The following TTLL5 variants were observed in gnomAD, a reference collection of about 807,000 sequenced individuals.
TTLL5 encodes tubulin polyglutamylase TTLL5.
A neutral mutation model predicts 168.4 loss-of-function variants in TTLL5; 132 were observed. That is an observed-to-expected ratio of 0.78 (90% CI 0.68 to 0.91). The LOEUF is 0.91. Ranked by LOEUF, TTLL5 falls within the 40% of genes least tolerant of loss-of-function variation. TTLL5 has a pLI of 0.00. For synonymous variants in TTLL5, 546 were observed against 558.6 expected, an observed-to-expected ratio of 0.98 and a Z score of 0.32; for missense variants, 1,545 against 1,581.5, an observed-to-expected ratio of 0.98 and a Z score of 0.39.
At chr14:75,681,944 T>A (rs577560140) in intron 4 of TTLL5, among the ~76,000 whole-genome samples, 2 of 152,088 alleles carry the variant, frequency 1.3e-5, no homozygotes, top group East Asian at 3.9e-4. Context: ...TGAACAGACT[T>A]TGCTTAACTT....
At chr14:75,873,285 A>T (rs11624407) in intron 29 of TTLL5, among the ~76,000 whole-genome samples, 1 of 152,100 alleles carries the variant, frequency 6.6e-6, no homozygotes, top group African/African-American at 2.4e-5. Context: ...CGTGTTAGCC[A>T]GGATGGTCTC....
In TTLL5 at chr14:75,839,492, A is replaced by G. The variant is rs1211999273; in HGVS notation, c.3326+19331A>G. 3.3e-5 allele frequency among the ~76,000 whole-genome samples: 5 copies of G among 152,332 alleles called. No homozygotes were observed. In the East Asian group the frequency reaches 9.7e-4, roughly 29 times the overall value. On this transcript the variant is annotated intron_variant, in intron 28 of 31. Transcript: ENST00000298832. ...AGGTTTCATTGACTCACAGTTTCAC[A>G]TGGCTGGGGAGGCTTCAGGAAACTT...
At chr14:75,928,410 G>A (rs2034158211) in intron 31 of TTLL5, among the ~76,000 whole-genome samples, 1 of 130,646 alleles carries the variant, frequency 7.7e-6, no homozygotes, top group Admixed American at 8.3e-5. Flanking sequence ...TGGGCAAAAT[G>A]TTATTTTATT....
chr14:75,896,911 G>A (rs1447374048), intron 30 of TTLL5, among the ~76,000 whole-genome samples: 3 of 152,140 alleles, frequency 2.0e-5, no homozygotes, highest in African/African-American at 7.2e-5. Flanking sequence ...TATATAGGCT[G>A]GCTATATGGT....
At chr14:75,826,602 G>C (rs1349178716) in intron 28 of TTLL5, among the ~76,000 whole-genome samples, 1 of 151,918 alleles carries the variant, frequency 6.6e-6, no homozygotes, top group East Asian at 1.9e-4. Context: ...GATTATTTTG[G>C]TTTTAAGAGG....
At chr14:75,727,210 C>A (rs977728895) in intron 12 of TTLL5, among the ~76,000 whole-genome samples, 2 of 152,118 alleles carry the variant, frequency 1.3e-5, no homozygotes, top group African/African-American at 4.8e-5. Context: ...AGAACCGAAA[C>A]CATATGTTTA....
At chr14:75,938,676 C>T (rs1408507595) in intron 31 of TTLL5, among the ~76,000 whole-genome samples, 4 of 152,126 alleles carry the variant, frequency 2.6e-5, no homozygotes, top group Non-Finnish European at 5.9e-5. Context: ...AGAGAGATTG[C>T]AATTTTCCTA....
intron 30 of TTLL5, among the ~76,000 whole-genome samples, chr14:75,891,193 C>T (rs544016297): frequency 1.0e-3 from 153 of 152,280 alleles, no homozygotes; most frequent in African/African-American, 3.6e-3. Context: ...ATTCTTTGTT[C>T]CTACATATCC....
At chr14:75,780,475 T>A (rs1284334660) in intron 24 of TTLL5, among the ~76,000 whole-genome samples, 1 of 151,946 alleles carries the variant, frequency 6.6e-6, no homozygotes, top group African/African-American at 2.4e-5. Flanking sequence ...TAAAAAAAAA[T>A]AGCAGTGACA....
intron 31 of TTLL5, among the ~76,000 whole-genome samples, chr14:75,943,171 G>C (rs1159183531): frequency 6.6e-6 from 1 of 152,148 alleles, no homozygotes; most frequent in African/African-American, 2.4e-5. Context: ...TCGTTGTTCT[G>C]TATACCTCTC....
intron 15 of TTLL5, chr14:75,744,423 C>T (rs1889470472): frequency 6.6e-6 from 1 of 152,230 alleles, no homozygotes; most frequent in Non-Finnish European, 1.5e-5. Flanking sequence ...CCAAGATCCT[C>T]TTCTGGGATC....
intron 28 of TTLL5, among the ~76,000 whole-genome samples, chr14:75,828,737 A>C (rs988979010): frequency 2.0e-5 from 3 of 152,222 alleles, no homozygotes; most frequent in Non-Finnish European, 2.9e-5. Context: ...CAAATATCTT[A>C]CTAGCTGCTT....
intron 28 of TTLL5, among the ~76,000 whole-genome samples, chr14:75,837,607 T>TC (rs1313032858): frequency 6.6e-6 from 1 of 151,914 alleles, no homozygotes; most frequent in Non-Finnish European, 1.5e-5. Flanking sequence ...CATTCTTCCC[T>TC]CCCCCCAACG....
intron 12 of TTLL5, among the ~76,000 whole-genome samples, chr14:75,722,480 C>T (rs2140209658): frequency 6.6e-6 from 1 of 152,128 alleles, no homozygotes; most frequent in South Asian, 2.1e-4. Context: ...CTTGTTTGAT[C>T]ATTCTCTTTT....
intron 13 of TTLL5, 120 bp from the exon 14 acceptor site, chr14:75,733,869 C>G: frequency 3.2e-5 from 28 of 867,278 alleles, no homozygotes; most frequent in East Asian, 7.9e-5. Context: ...ATTTTATGGG[C>G]TTTATGTGTT....
intron 18 of TTLL5, among the ~76,000 whole-genome samples, chr14:75,753,458 GGCT>G (rs1890076831): frequency 6.6e-6 from 1 of 152,088 alleles, no homozygotes; most frequent in Non-Finnish European, 1.5e-5. Context: ...CAGCAATCAG[GGCT>G]GCTTAGTCCC....
chr14:75,732,301 A>G, intron 12 of TTLL5, 37 bp from the exon 13 acceptor site: 1 of 1,585,094 alleles, frequency 6.3e-7, no homozygotes, highest in Non-Finnish European at 8.6e-7. Context: ...GTGACATGGA[A>G]AATGATCTTG....
chr14:75,753,923 C>A (rs1192594469), intron 18 of TTLL5, among the ~76,000 whole-genome samples: 1 of 152,112 alleles, frequency 6.6e-6, no homozygotes, highest in East Asian at 1.9e-4. Flanking sequence ...GTGAGTGCGG[C>A]CTTTCAGTCT....
rs76733656 is a variant in TTLL5 at position 75,863,911 on chromosome 14, TAAAAAAAAAA to T, written c.3522+63_3522+72del. On this transcript the variant is annotated intron_variant, in intron 29 of 31. Transcript: ENST00000298832. ...ATGTGTTATATCTTCCTGCTGTTGGTAAAAAAAAAAAAAAAAAAAAAAAGGTCAGTGAATG... is the reference window on the plus strand; with the variant it reads ...ATGTGTTATATCTTCCTGCTGTTGGTAAAAAAAAAAAAAGGTCAGTGAATG... 66 of 100,006 alleles carry T rather than the reference TAAAAAAAAAA, an allele frequency of 6.6e-4. 3 individuals are homozygous for T. In the South Asian group the frequency reaches 0.014, roughly 21 times the overall value. 6.2% of individuals were successfully genotyped at this position (100,006 alleles called of 1,614,324 possible). A position where few individuals can be genotyped will look rare whatever the true frequency, so the allele number is the denominator to read the frequency against.
Sources: gnomAD v4.1 joint callset for allele counts (sites outside exome capture counted in the v4.1 genomes callset) on GRCh38, gnomAD v4.1.1 for gene constraint, MANE v1.5 for transcripts, NCBI Gene and HGNC (gene_info 2026-07-23, HGNC 2026-07-21) for gene names.